Variants in UNC13B observed in about 807,000 individuals in gnomAD.
UNC13B encodes protein unc-13 homolog B.
A neutral mutation model predicts 211.0 loss-of-function variants in UNC13B; 144 were observed. The observed-to-expected ratio is 0.68, with a 90% CI of 0.60 to 0.78. UNC13B has a LOEUF of 0.78. UNC13B is among the 30% of genes least tolerant of loss of function. The pLI is 0.00. For missense variants in UNC13B, 1,777 were observed against 2,002.0 expected, an observed-to-expected ratio of 0.89 and a Z score of 2.14; for synonymous variants, 709 against 725.8, an observed-to-expected ratio of 0.98 and a Z score of 0.37.
At chr9:35,297,760 A>G (rs1330426618) in intron 8 of UNC13B, among the ~76,000 whole-genome samples, 1 of 150,788 alleles carries the variant, frequency 6.6e-6, no homozygotes, top group Non-Finnish European at 1.5e-5. Flanking sequence ...TGTGTTAGCC[A>G]GGATGGTCTC....
In UNC13B at chr9:35,377,434, G is replaced by A. The variant is rs751791979; in HGVS notation, c.9836-34G>A. 2.5e-6 allele frequency: 4 copies of A among 1,609,538 alleles called. No individual in the cohort carries two copies. The South Asian group carries it at 4.4e-5, about 18-fold the overall frequency. ...ATTCCTCAGCTCAACCCTTGGTCTG[G>A]TAGGTGACCTGTTGTGTTCCTGGCC... is the stretch of plus-strand genomic sequence containing the variant. On this transcript the variant is annotated intron_variant, in intron 15 of 39. Transcript: ENST00000635942.
intron 7 of UNC13B, among the ~76,000 whole-genome samples, chr9:35,264,551 G>T (rs555550626): frequency 6.6e-6 from 1 of 152,268 alleles, no homozygotes; most frequent in South Asian, 2.1e-4. Flanking sequence ...AAGACTGTTG[G>T]ACTTCTTAGG....
intron 1 of UNC13B, among the ~76,000 whole-genome samples, chr9:35,219,073 C>T (rs761922858): frequency 1.3e-5 from 2 of 152,052 alleles, no homozygotes; most frequent in South Asian, 2.1e-4. Context: ...TTTTTCATAG[C>T]GTTAAGGAAC....
rs781007943 is a variant in UNC13B at position 35,403,773 on chromosome 9, G to T, written c.12763G>T (p.Glu4255Ter). 1 of 1,614,100 alleles carries T rather than the reference G, an allele frequency of 6.2e-7. No homozygotes were observed. The highest frequency in any genetic ancestry group is 1.1e-5 in the South Asian group (1 of 91,080). Residue 4255 changes from glutamate (E) to a stop codon, truncating the protein, a stop_gained, in exon 40 of 40, where the codon GAG becomes TAG. Transcript: ENST00000635942. LOFTEE classifies it high-confidence loss of function. ...CCTCCTGGGAAATGAGGAGGGGCCC[G>T]AGTCCTATGAGTTGCAGATATGCGT... is the stretch of plus-strand genomic sequence containing the variant. ...HFLLGNEEGP[E>*]SYELQICVKD...
chr9:35,244,335 A>G (rs1200546031), intron 6 of UNC13B, among the ~76,000 whole-genome samples: 1 of 152,218 alleles, frequency 6.6e-6, no homozygotes, highest in Non-Finnish European at 1.5e-5. Flanking sequence ...GATGACGAGT[A>G]TACATCCATA....
intron 13 of UNC13B, among the ~76,000 whole-genome samples, chr9:35,372,248 G>A (rs527935715): frequency 1.3e-5 from 2 of 152,336 alleles, no homozygotes; most frequent in East Asian, 3.9e-4. Flanking sequence ...CTCCTGCCTG[G>A]GCGACAGTGC....
chr9:35,378,104 TG>T (rs1199222205), intron 16 of UNC13B, among the ~76,000 whole-genome samples, 190 bp from the exon 17 acceptor site: 14 of 151,988 alleles, frequency 9.2e-5, no homozygotes, highest in Admixed American at 9.2e-4. Context: ...AGTTAGGGCT[TG>T]GGTAGGGAGA....
At chr9:35,243,473 A>T (rs113982865) in intron 6 of UNC13B, 109 bp downstream of exon 6, 5 of 1,136,178 alleles carry the variant, frequency 4.4e-6, no homozygotes, top group Admixed American at 2.2e-5. Flanking sequence ...GAATGAAATC[A>T]CTTAAATTGC....
intron 6 of UNC13B, 102 bp from the exon 7 acceptor site, chr9:35,258,890 TC>T: frequency 8.3e-7 from 1 of 1,206,012 alleles, no homozygotes. Context: ...AAATTTTGTT[TC>T]CAAACACTAA....
chr9:35,228,102 A>T (rs939357219), intron 2 of UNC13B, 58 bp downstream of exon 2: 4 of 1,424,350 alleles, frequency 2.8e-6, no homozygotes, highest in Non-Finnish European at 3.8e-6. Flanking sequence ...TTTCAAAGCA[A>T]TTTAAAAAAA....
intron 1 of UNC13B, among the ~76,000 whole-genome samples, chr9:35,176,114 T>C (rs557799451): frequency 4.6e-5 from 7 of 150,972 alleles, no homozygotes; most frequent in African/African-American, 1.5e-4. Context: ...AAGGGGAAAG[T>C]CAAGATGAGA....
intron 1 of UNC13B, among the ~76,000 whole-genome samples, chr9:35,174,666 G>C (rs1821521892): frequency 1.3e-5 from 2 of 151,958 alleles, no homozygotes; most frequent in Admixed American, 6.6e-5. Context: ...TTCTGCCTCA[G>C]CCTCCCGAGT....
intron 7 of UNC13B, 107 bp from the exon 8 acceptor site, chr9:35,295,589 C>A: frequency 1.9e-6 from 2 of 1,059,742 alleles, no homozygotes; most frequent in Non-Finnish European, 1.4e-6. Context: ...GCTCAGCTTG[C>A]TTTTGTTCTC....
intron 1 of UNC13B, among the ~76,000 whole-genome samples, chr9:35,215,951 G>C (rs1207685119): frequency 2.6e-5 from 4 of 151,946 alleles, no homozygotes; most frequent in South Asian, 2.1e-4. Context: ...TAAATACTAA[G>C]GCCATTTTCA....
chr9:35,226,127 T>G (rs146392161), intron 1 of UNC13B, among the ~76,000 whole-genome samples: 1 of 152,258 alleles, frequency 6.6e-6, no homozygotes, highest in East Asian at 1.9e-4. Flanking sequence ...GCCAGTAACA[T>G]CACATGGGAA....
At chr9:35,375,285 T>G in intron 14 of UNC13B, 84 bp downstream of exon 14, 1 of 1,451,922 alleles carries the variant, frequency 6.9e-7, no homozygotes, top group South Asian at 1.1e-5. Context: ...TAATTGGGAA[T>G]TCTGGGAATT....
chr9:35,268,511 C>G (rs1020210553), intron 7 of UNC13B, among the ~76,000 whole-genome samples: 1 of 151,980 alleles, frequency 6.6e-6, no homozygotes, highest in Non-Finnish European at 1.5e-5. Context: ...CCTAGCTACT[C>G]GGGAGGCTGA....
At chr9:35,172,760 A>T (rs1332359554) in intron 1 of UNC13B, among the ~76,000 whole-genome samples, 1 of 152,216 alleles carries the variant, frequency 6.6e-6, no homozygotes, top group African/African-American at 2.4e-5. Flanking sequence ...AAAAAGAATC[A>T]TGAAATCTTT....
At chr9:35,234,725 A>G (rs1249175866) in intron 3 of UNC13B, among the ~76,000 whole-genome samples, 1 of 152,242 alleles carries the variant, frequency 6.6e-6, no homozygotes. Context: ...AATTAAATGA[A>G]TAAATTAACT....
Sources: gnomAD v4.1 joint callset for allele counts (sites outside exome capture counted in the v4.1 genomes callset) on GRCh38, gnomAD v4.1.1 for gene constraint, MANE v1.5 for transcripts, NCBI Gene and HGNC (gene_info 2026-07-23, HGNC 2026-07-21) for gene names.